PTPRO: variants seen among roughly 807,000 people sequenced by gnomAD.
PTPRO encodes the protein protein tyrosine phosphatase receptor type O, also known as receptor-type tyrosine-protein phosphatase O.
A neutral mutation model predicts 145.2 loss-of-function variants in PTPRO; 62 were observed. The observed-to-expected ratio is 0.43, with a 90% CI of 0.35 to 0.53. PTPRO has a LOEUF of 0.53. Ranked by LOEUF, PTPRO falls within the 20% of genes least tolerant of loss-of-function variation. The pLI, the probability that PTPRO is intolerant of heterozygous loss-of-function variation, is 0.01. For missense variants in PTPRO, 1,345 were observed against 1,482.7 expected (o/e 0.91, Z 1.53); for synonymous variants, 565 against 514.7 (o/e 1.10, Z -1.32).
chr12:15,348,555 G>C (rs1407252246), intron 1 of PTPRO: 2 of 152,106 alleles, frequency 1.3e-5, no homozygotes, highest in African/African-American at 4.8e-5. Flanking sequence ...TCAGGAGATC[G>C]AGACCATCCT....
chr12:15,529,457 T>C (rs1298606618), intron 12 of PTPRO, among the ~76,000 whole-genome samples: 5 of 139,930 alleles, frequency 3.6e-5, no homozygotes, highest in Non-Finnish European at 1.5e-5. Flanking sequence ...ATTCAAGACC[T>C]CATCTCTACT....
At chr12:15,536,467 C>T (rs766171222) in intron 12 of PTPRO, among the ~76,000 whole-genome samples, 3 of 152,114 alleles carry the variant, frequency 2.0e-5, no homozygotes, top group Non-Finnish European at 4.4e-5. Context: ...AAAAGTCAGG[C>T]AGGCAGTGTG....
intron 1 of PTPRO, among the ~76,000 whole-genome samples, chr12:15,333,604 A>G (rs1866672670): frequency 6.6e-6 from 1 of 152,208 alleles, no homozygotes; most frequent in Admixed American, 6.5e-5. Context: ...CACAGGGAGT[A>G]GAGAAGCTGC....
chr12:15,426,029 C>T (rs1192725268), intron 1 of PTPRO, among the ~76,000 whole-genome samples: 1 of 150,552 alleles, frequency 6.6e-6, no homozygotes, highest in East Asian at 1.9e-4. Context: ...CTGATATTGT[C>T]AAAATAATTA....
At chr12:15,535,894 C>A (rs1943056693) in intron 12 of PTPRO, among the ~76,000 whole-genome samples, 1 of 151,910 alleles carries the variant, frequency 6.6e-6, no homozygotes, top group Non-Finnish European at 1.5e-5. Flanking sequence ...TGGCTATGGA[C>A]AAGAAAAAAA....
intron 1 of PTPRO, among the ~76,000 whole-genome samples, chr12:15,467,206 T>C (rs373180675): frequency 6.6e-6 from 1 of 152,140 alleles, no homozygotes; most frequent in East Asian, 1.9e-4. Flanking sequence ...CATCTCTGAG[T>C]CAATCACTTC....
Position 15,360,872 on chromosome 12 carries a change from A to G in PTPRO, c.75+38071A>G, listed in dbSNP as rs61907999. 7.6e-3 allele frequency among the ~76,000 whole-genome samples: 1,036 copies of G among 136,080 alleles called. 76 individuals carry two copies. Among genetic ancestry groups the G allele is most frequent in the Non-Finnish European group, 0.013 (799 of 61,720 alleles). 89.3% of individuals were successfully genotyped at this position (136,080 alleles called of 152,430 possible). On this transcript the variant is annotated intron_variant, in intron 1 of 26. Transcript: ENST00000281171. ...TATATGTGTGTGTATATATGTGTGT[A>G]TATACACACATACACATGTGTATAT...
intron 10 of PTPRO, among the ~76,000 whole-genome samples, chr12:15,521,731 A>G (rs1479193265): frequency 6.6e-6 from 1 of 152,210 alleles, no homozygotes; most frequent in Non-Finnish European, 1.5e-5. Context: ...AACTTAATAT[A>G]TTGAACACCA....
chr12:15,342,170 T>C (rs1305667822), intron 1 of PTPRO, among the ~76,000 whole-genome samples: 3 of 152,350 alleles, frequency 2.0e-5, no homozygotes, highest in East Asian at 3.9e-4. Flanking sequence ...CCAAGTGCAC[T>C]TTCTGTCACC....
intron 1 of PTPRO, among the ~76,000 whole-genome samples, chr12:15,334,936 C>A (rs1379742732): frequency 2.0e-5 from 3 of 152,096 alleles, no homozygotes; most frequent in Non-Finnish European, 4.4e-5. Context: ...CTCTTTCTGT[C>A]TCTGGAGTGG....
chr12:15,514,321 C>A (rs933935566), intron 7 of PTPRO, among the ~76,000 whole-genome samples: 1 of 151,582 alleles, frequency 6.6e-6, no homozygotes, highest in East Asian at 1.9e-4. Context: ...GCGTGGTGGC[C>A]CACAACTGTA....
intron 1 of PTPRO, among the ~76,000 whole-genome samples, chr12:15,474,197 G>A (rs1366730570): frequency 9.2e-5 from 14 of 152,196 alleles, no homozygotes; most frequent in Non-Finnish European, 1.6e-4. Context: ...GGACAATAGT[G>A]CTAAATTTTC....
intron 12 of PTPRO, among the ~76,000 whole-genome samples, chr12:15,536,380 C>G (rs773341352): frequency 3.3e-5 from 5 of 152,118 alleles, no homozygotes; most frequent in Non-Finnish European, 5.9e-5. Context: ...AAAGAGATCA[C>G]TGGGATGAGA....
chr12:15,412,229 C>G (rs945919092), intron 1 of PTPRO, among the ~76,000 whole-genome samples: 1 of 152,186 alleles, frequency 6.6e-6, no homozygotes, highest in Admixed American at 6.5e-5. Context: ...TTTTGAAAAC[C>G]AATTTTTAGA....
intron 7 of PTPRO, among the ~76,000 whole-genome samples, chr12:15,513,159 AAGAAAG>A (rs1565675694): frequency 4.5e-5 from 1 of 22,166 alleles, no homozygotes; most frequent in Non-Finnish European, 1.0e-4. Context: ...AAGAAAGAAA[AAGAAAG>A]AAAGAAAGAA....
intron 1 of PTPRO, among the ~76,000 whole-genome samples, chr12:15,328,854 A>T (rs987279347): frequency 3.9e-5 from 6 of 152,112 alleles, no homozygotes; most frequent in African/African-American, 1.5e-4. Context: ...AAACTAAATA[A>T]ACCTATTTTT....
At chr12:15,595,972 A>G (rs1944651967) in intron 26 of PTPRO, 118 bp from the exon 27 acceptor site, 1 of 152,328 alleles carries the variant, frequency 6.6e-6, no homozygotes. Context: ...AGAAAGATGC[A>G]CAGATCAACC....
chr12:15,526,084 G>A lies in PTPRO; in HGVS notation c.2044-58G>A, dbSNP rs913420405. On this transcript the variant is annotated intron_variant, in intron 11 of 26. Coordinates refer to ENST00000281171, the MANE Select transcript of PTPRO (RefSeq NM_030667.3). ...CTGCTATAGTCCTTTAGTTGTTTGG[G>A]GTGGTGCACTGATTCATTCACTAAA... 13 of 1,608,504 alleles carry A rather than the reference G, an allele frequency of 8.1e-6. No individual in the cohort carries two copies. The African/African-American group carries it at 1.5e-4, about 18-fold the overall frequency.
chr12:15,388,085 G>T (rs926392260), intron 1 of PTPRO, among the ~76,000 whole-genome samples: 17 of 151,998 alleles, frequency 1.1e-4, no homozygotes, highest in African/African-American at 4.1e-4. Flanking sequence ...AATGCAGAAG[G>T]CCTCAGGGAA....
Sources: gnomAD v4.1 joint callset for allele counts (sites outside exome capture counted in the v4.1 genomes callset) on GRCh38, gnomAD v4.1.1 for gene constraint, MANE v1.5 for transcripts, NCBI Gene and HGNC (gene_info 2026-07-23, HGNC 2026-07-21) for gene names.